PCDHGA5: variants seen among roughly 807,000 people sequenced by gnomAD.
PCDHGA5 encodes protocadherin gamma-A5.
A neutral mutation model predicts 56.7 loss-of-function variants in PCDHGA5; 36 were observed. That is an observed-to-expected ratio of 0.64 (90% CI 0.49 to 0.84). The LOEUF (loss-of-function observed/expected upper bound fraction) is 0.84, where lower values mean the gene tolerates loss of function less well. Ranked by LOEUF, PCDHGA5 falls within the 40% of genes least tolerant of loss-of-function variation. The probability of loss-of-function intolerance (pLI) is 0.00; values close to 1 mark genes in which losing one functional copy is unlikely to be tolerated. For missense variants in PCDHGA5, 1,305 were observed against 1,201.5 expected (o/e 1.09, Z -1.27); for synonymous variants, 563 against 520.2 (o/e 1.08, Z -1.12).
Position 141,511,309 on chromosome 5 carries a change from G to C in PCDHGA5, c.*136G>C. The stretch of plus-strand genomic sequence containing the variant: ...GGGGCCAAGGCCATGCTCCCCTTGG[G>C]AAACAGAAACAAGTGCCCAGTCAGC... On this transcript the variant is annotated 3_prime_UTR_variant, in exon 4 of 4. Coordinates refer to ENST00000518069, the MANE Select transcript of PCDHGA5 (RefSeq NM_018918.3). 4.0e-6 allele frequency: 6 copies of C among 1,485,470 alleles called. No homozygotes were observed. Among genetic ancestry groups the C allele is most frequent in the Non-Finnish European group, 4.5e-6 (5 of 1,113,432 alleles). 92.0% of individuals were successfully genotyped at this position (1,485,470 alleles called of 1,614,324 possible).
At chr5:141,469,629 C>T (rs933972587) in intron 1 of PCDHGA5, among the ~76,000 whole-genome samples, 1 of 152,070 alleles carries the variant, frequency 6.6e-6, no homozygotes, top group Admixed American at 6.6e-5. Context: ...GTTTGTAGTT[C>T]CAAAATATTT....
At chr5:141,394,743 G>A (rs928437652) in intron 1 of PCDHGA5, 4 of 1,613,314 alleles carry the variant, frequency 2.5e-6, no homozygotes, top group Non-Finnish European at 3.4e-6. Flanking sequence ...GAGCCTCGTG[G>A]TGGCCGTCCA....
At chr5:141,376,139 G>C in intron 1 of PCDHGA5, 1 of 1,613,958 alleles carries the variant, frequency 6.2e-7, no homozygotes, top group Non-Finnish European at 8.5e-7. Flanking sequence ...CAAACCCAAC[G>C]ATTCGGACCT....
intron 1 of PCDHGA5, chr5:141,418,101 G>A (rs965772298): frequency 3.7e-6 from 6 of 1,614,082 alleles, no homozygotes; most frequent in Non-Finnish European, 5.1e-6. Flanking sequence ...GACGCGCAGA[G>A]CGGGGACTTA....
intron 1 of PCDHGA5, chr5:141,385,530 A>T (rs1020257746): frequency 2.5e-4 from 336 of 1,356,078 alleles, no homozygotes; most frequent in Non-Finnish European, 2.9e-4. Flanking sequence ...GGACAAGATT[A>T]TGAATATGTG....
At chr5:141,370,437 CG>C (rs1561546503) in intron 1 of PCDHGA5, 6 of 1,603,792 alleles carry the variant, frequency 3.7e-6, no homozygotes, top group Non-Finnish European at 5.1e-6. Context: ...AGGGCAGAGG[CG>C]AATGCTATTT....
At chr5:141,434,978 C>G (rs1287204052) in intron 1 of PCDHGA5, among the ~76,000 whole-genome samples, 2 of 151,700 alleles carry the variant, frequency 1.3e-5, no homozygotes, top group Non-Finnish European at 2.9e-5. Flanking sequence ...TTTGTTAATA[C>G]TCTATATCAT....
intron 1 of PCDHGA5, among the ~76,000 whole-genome samples, chr5:141,492,474 G>T (rs2099741007): frequency 6.6e-6 from 1 of 152,218 alleles, no homozygotes; most frequent in African/African-American, 2.4e-5. Context: ...CCCAGATCGC[G>T]GCCGCCCAGG....
At position 141,395,404 on chromosome 5, in the gene PCDHGA5, T is replaced by G. The variant is rs1482913976; in HGVS notation, c.2421+28653T>G. 24 of 836,172 alleles carry G rather than the reference T, an allele frequency of 2.9e-5. No homozygotes were observed. The East Asian group carries it at 6.2e-4, about 21-fold the overall frequency. 51.8% of individuals were successfully genotyped at this position (836,172 alleles called of 1,614,324 possible). A position where few individuals can be genotyped will look rare whatever the true frequency, so the allele number is the denominator to read the frequency against. ...CTATAAAATTGAACTCTAATAGTCA[T>G]AGGTTATTGTTTCATTTGCTTTTAA... On this transcript the variant is annotated intron_variant, in intron 1 of 3. Transcript: ENST00000518069.
At position 141,410,351 on chromosome 5, in the gene PCDHGA5, C is replaced by T. The variant is rs372351374; in HGVS notation, c.2421+43600C>T. ...TCTGGCCATTGCCTTGCGCCTGCGA[C>T]GCTCTCTCAGCCCTGCTACTTGGGA... On this transcript the variant is annotated intron_variant, in intron 1 of 3. Coordinates refer to ENST00000518069, the MANE Select transcript of PCDHGA5 (RefSeq NM_018918.3). The T allele has an allele frequency of 2.5e-6, 4 of 1,613,948 alleles. No homozygotes were observed. In the African/African-American group the frequency reaches 4.0e-5, roughly 16 times the overall value.
chr5:141,491,954 C>CA lies in PCDHGA5; in HGVS notation c.2422-2847dup. 1 of 1,032,920 alleles carries CA rather than the reference C, an allele frequency of 9.7e-7. No homozygotes were observed. Among genetic ancestry groups the CA allele is most frequent in the Non-Finnish European group, 1.3e-6 (1 of 747,262 alleles). 64.0% of individuals were successfully genotyped at this position (1,032,920 alleles called of 1,614,324 possible). A position where few individuals can be genotyped will look rare whatever the true frequency, so the allele number is the denominator to read the frequency against. ...TGGGACCGACCCCCACCCCTACACTCAAAAAAGGCCGGGGCCTCCTTCGAG... is the reference window on the plus strand; with the variant it reads ...TGGGACCGACCCCCACCCCTACACTCAAAAAAAGGCCGGGGCCTCCTTCGAG... On this transcript the variant is annotated intron_variant, in intron 1 of 3. Coordinates refer to ENST00000518069, the MANE Select transcript of PCDHGA5 (RefSeq NM_018918.3). This position sits in a 1 kb window ranked among gnomAD's most constrained non-coding sequence, Gnocchi z 6.9.
chr5:141,376,118 G>T, intron 1 of PCDHGA5: 1 of 1,613,826 alleles, frequency 6.2e-7, no homozygotes, highest in Non-Finnish European at 8.5e-7. Context: ...GGGCAGCCTC[G>T]AGCCCTCCGC....
chr5:141,399,797 G>A (rs760211919), intron 1 of PCDHGA5: 1 of 1,613,192 alleles, frequency 6.2e-7, no homozygotes, highest in Non-Finnish European at 8.5e-7. Context: ...AACGCACCGC[G>A]GGTGCTGTAC....
At chr5:141,387,526 G>A (rs186607627) in intron 1 of PCDHGA5, among the ~76,000 whole-genome samples, 58 of 152,324 alleles carry the variant, frequency 3.8e-4, no homozygotes, top group African/African-American at 1.3e-3. Context: ...ATATACAGAC[G>A]TATCCACGTA....
intron 1 of PCDHGA5, chr5:141,415,347 C>T (rs1369709460): frequency 1.9e-6 from 3 of 1,614,120 alleles, no homozygotes; most frequent in Non-Finnish European, 2.5e-6. Context: ...GGCGCTGGCA[C>T]AAGTCACGCC....
Position 141,512,836 on chromosome 5 carries a change from T to G in PCDHGA5, c.*1663T>G, listed in dbSNP as rs1024777792. On this transcript the variant is annotated 3_prime_UTR_variant, in exon 4 of 4. Transcript: ENST00000518069. ...GGCGACCCCCTCCCCCGTACTGACTTCTCCTATAAGCGCTTCTCTTCGCAT... is the reference window on the plus strand; with the variant it reads ...GGCGACCCCCTCCCCCGTACTGACTGCTCCTATAAGCGCTTCTCTTCGCAT... 2 of 152,222 alleles carry G rather than the reference T, an allele frequency of 1.3e-5. No homozygotes were observed. Among genetic ancestry groups the G allele is most frequent in the African/African-American group, 4.8e-5 (2 of 41,412 alleles). The allele number at this position is 152,222 out of a possible 1,614,324, so 9.4% of individuals were successfully genotyped here. A position where few individuals can be genotyped will look rare whatever the true frequency, so the allele number is the denominator to read the frequency against.
intron 1 of PCDHGA5, among the ~76,000 whole-genome samples, chr5:141,435,619 T>A (rs2097772280): frequency 6.6e-6 from 1 of 152,190 alleles, no homozygotes; most frequent in Non-Finnish European, 1.5e-5. Context: ...AAATTCCCCA[T>A]AACTTTTACA....
intron 1 of PCDHGA5, chr5:141,414,623 C>G: frequency 6.2e-7 from 1 of 1,613,938 alleles, no homozygotes; most frequent in South Asian, 1.1e-5. Context: ...GCGCTGGACC[C>G]GGACAGCAAA....
intron 1 of PCDHGA5, among the ~76,000 whole-genome samples, chr5:141,439,139 G>T (rs2098090438): frequency 6.6e-6 from 1 of 150,672 alleles, no homozygotes; most frequent in South Asian, 2.1e-4. Flanking sequence ...GTTGCAGTGA[G>T]CTGAGATCAC....
Sources: allele counts gnomAD v4.1 joint callset (sites outside exome capture counted in the v4.1 genomes callset), GRCh38; gene constraint gnomAD v4.1.1; non-coding constraint Gnocchi (gnomAD v3.1); transcripts MANE v1.5; gene names NCBI Gene and HGNC (gene_info 2026-07-23, HGNC 2026-07-21).